Variants in PALM2AKAP2 observed in about 807,000 individuals in gnomAD.
The protein encoded by PALM2AKAP2 is PALM2 and AKAP2 fusion, also known as PALM2-AKAP2 fusion protein.
In PALM2AKAP2, 37 loss-of-function variants were observed where a neutral mutation model predicts 71.5. That is an observed-to-expected ratio of 0.52 (90% CI 0.40 to 0.68). The LOEUF is 0.68. PALM2AKAP2 is among the 30% of genes least tolerant of loss of function. PALM2AKAP2 has a pLI of 0.00. For missense variants in PALM2AKAP2, 1,224 were observed against 1,191.8 expected, an observed-to-expected ratio of 1.03 and a Z score of -0.40; for synonymous variants, 468 against 478.8, an observed-to-expected ratio of 0.98 and a Z score of 0.29.
At chr9:110,039,695 T>TAGCAGCAGC (rs10536981) in intron 7 of PALM2AKAP2, among the ~76,000 whole-genome samples, 1 of 151,306 alleles carries the variant, frequency 6.6e-6, no homozygotes, top group Non-Finnish European at 1.5e-5. Context: ...TCAAACATAG[T>TAGCAGCAGC]AGCAGCAGCA....
intron 1 of PALM2AKAP2, among the ~76,000 whole-genome samples, chr9:110,122,220 G>T (rs1268147483): frequency 6.6e-6 from 1 of 152,174 alleles, no homozygotes; most frequent in Non-Finnish European, 1.5e-5. Flanking sequence ...TAGAGACAAG[G>T]TCTCACTACG....
chr9:110,135,923 T>C (rs1013701856), intron 1 of PALM2AKAP2, among the ~76,000 whole-genome samples: 3 of 152,156 alleles, frequency 2.0e-5, no homozygotes, highest in Admixed American at 6.5e-5. Flanking sequence ...GTAAACAAAA[T>C]GGAATCCATA....
chr9:109,814,857 A>G (rs1827812854), intron 1 of PALM2AKAP2, among the ~76,000 whole-genome samples: 1 of 152,224 alleles, frequency 6.6e-6, no homozygotes, highest in South Asian at 2.1e-4. Context: ...AGAATGATGG[A>G]GAGATGGACT....
At chr9:109,807,737 A>T (rs947566802) in intron 1 of PALM2AKAP2, among the ~76,000 whole-genome samples, 1 of 152,142 alleles carries the variant, frequency 6.6e-6, no homozygotes, top group Non-Finnish European at 1.5e-5. Context: ...TCACCCCCTG[A>T]TATGGTTTAG....
At chr9:109,829,175 T>C (rs1828231038) in intron 1 of PALM2AKAP2, among the ~76,000 whole-genome samples, 1 of 152,234 alleles carries the variant, frequency 6.6e-6, no homozygotes, top group South Asian at 2.1e-4. Context: ...TACTTGGTTG[T>C]TTGCATAGGC....
At position 110,137,471 on chromosome 9, in the gene PALM2AKAP2, CAG is replaced by C. The variant is rs778483460; in HGVS notation, c.1502_1503del (p.Gln501ArgfsTer11). ...AGGAAGCCAGGGCAACACAGCCTCT[CAG>C]GGGAAGGAAGGGCCCTACAGCGAGC... On this transcript the variant is annotated frameshift_variant, in exon 2 of 4. Coordinates refer to ENST00000374525, the Ensembl canonical transcript of PALM2AKAP2. LOFTEE classifies it high-confidence loss of function. 5.6e-6 allele frequency: 9 copies of C among 1,614,068 alleles called. No individual in the cohort carries two copies. The highest frequency in any genetic ancestry group is 2.2e-5 in the East Asian group (1 of 44,876).
At chr9:109,841,949 G>A (rs1356415909) in intron 1 of PALM2AKAP2, among the ~76,000 whole-genome samples, 1 of 138,708 alleles carries the variant, frequency 7.2e-6, no homozygotes, top group Non-Finnish European at 1.6e-5. Context: ...TGGAAGGAAA[G>A]AGGGGAGGGT....
intron 1 of PALM2AKAP2, among the ~76,000 whole-genome samples, chr9:109,723,561 G>A (rs1281268595): frequency 6.6e-6 from 1 of 152,194 alleles, no homozygotes; most frequent in Non-Finnish European, 1.5e-5. Context: ...GCTCTGCATG[G>A]AAGACCCGAG....
intron 3 of PALM2AKAP2, among the ~76,000 whole-genome samples, chr9:109,911,005 G>A (rs916125609): frequency 6.6e-6 from 1 of 152,196 alleles, no homozygotes; most frequent in Admixed American, 6.5e-5. Context: ...ATCTTGGAGA[G>A]AGGTGAAGAC....
intron 1 of PALM2AKAP2, among the ~76,000 whole-genome samples, chr9:110,103,244 C>T (rs987960022): frequency 3.3e-5 from 5 of 152,186 alleles, no homozygotes; most frequent in Admixed American, 2.6e-4. Flanking sequence ...CAGCTCTATG[C>T]CTAGTCTCCA....
intron 1 of PALM2AKAP2, among the ~76,000 whole-genome samples, chr9:109,792,107 T>C (rs2118876752): frequency 6.6e-6 from 1 of 152,306 alleles, no homozygotes; most frequent in South Asian, 2.1e-4. Flanking sequence ...CACTTATGTA[T>C]GTTGGGCACC....
At chr9:109,960,660 C>T (rs1460047571) in intron 6 of PALM2AKAP2, among the ~76,000 whole-genome samples, 1 of 152,026 alleles carries the variant, frequency 6.6e-6, no homozygotes, top group Non-Finnish European at 1.5e-5. Flanking sequence ...TCCCAAGAGT[C>T]AGTAGGAAGG....
At chr9:110,107,883 A>G (rs1460106553) in intron 1 of PALM2AKAP2, among the ~76,000 whole-genome samples, 1 of 152,146 alleles carries the variant, frequency 6.6e-6, no homozygotes, top group Non-Finnish European at 1.5e-5. Flanking sequence ...CTCTATTTTT[A>G]TAAGAGTAAG....
At chr9:109,876,808 C>G (rs1351497681) in intron 2 of PALM2AKAP2, among the ~76,000 whole-genome samples, 4 of 152,126 alleles carry the variant, frequency 2.6e-5, no homozygotes, top group African/African-American at 4.8e-5. Flanking sequence ...GTTGGAGCCT[C>G]TCTTCCTGGC....
At chr9:109,826,206 G>A (rs1461044618) in intron 1 of PALM2AKAP2, among the ~76,000 whole-genome samples, 1 of 148,516 alleles carries the variant, frequency 6.7e-6, no homozygotes, top group African/African-American at 2.5e-5. Context: ...ACACACCGGG[G>A]CCTGTTGTGG....
intron 2 of PALM2AKAP2, among the ~76,000 whole-genome samples, chr9:109,876,239 C>A (rs1053086376): frequency 6.6e-6 from 1 of 151,892 alleles, no homozygotes; most frequent in Admixed American, 6.6e-5. Flanking sequence ...TATAGGGGAC[C>A]CTGTGCTTTG....
chr9:109,979,986 C>A (rs1267212715), intron 6 of PALM2AKAP2, among the ~76,000 whole-genome samples: 2 of 152,124 alleles, frequency 1.3e-5, no homozygotes, highest in Non-Finnish European at 2.9e-5. Flanking sequence ...TTTCAAAGGA[C>A]ACAGGAAAGA....
chr9:110,085,710 G>A (rs1834555535), intron 1 of PALM2AKAP2, among the ~76,000 whole-genome samples: 1 of 152,104 alleles, frequency 6.6e-6, no homozygotes, highest in African/African-American at 2.4e-5. Context: ...AATATTGGGA[G>A]GACAAGTTGA....
At chr9:109,668,842 TTG>T (rs562879711) in intron 1 of PALM2AKAP2, among the ~76,000 whole-genome samples, 65 of 152,326 alleles carry the variant, frequency 4.3e-4, no homozygotes, top group African/African-American at 1.4e-3. Flanking sequence ...CATTTTCTGA[TTG>T]TGTCTTAAGA....
Sources: allele counts gnomAD v4.1 joint callset (sites outside exome capture counted in the v4.1 genomes callset), GRCh38; gene constraint gnomAD v4.1.1; transcripts MANE v1.5; gene names NCBI Gene and HGNC (gene_info 2026-07-23, HGNC 2026-07-21).